Variants in ZNF668 observed in about 807,000 individuals in gnomAD.
ZNF668 encodes zinc finger protein 668.
Under a neutral mutation model 40.3 loss-of-function variants are expected in ZNF668, and 10 were observed. That is an observed-to-expected ratio of 0.25 (90% confidence interval 0.15 to 0.42). The LOEUF is 0.42. Ranked by LOEUF, ZNF668 falls within the 10% of genes least tolerant of loss-of-function variation. ZNF668 has a pLI of 1.00. For synonymous variants in ZNF668, 428 were observed against 384.6 expected, an observed-to-expected ratio of 1.11 and a Z score of -1.32; for missense variants, 749 against 904.6, an observed-to-expected ratio of 0.83 and a Z score of 2.21.
At chr16:31,071,581 G>T (rs1319713308) in intron 1 of ZNF668, among the ~76,000 whole-genome samples, 8 of 152,120 alleles carry the variant, frequency 5.3e-5, no homozygotes, top group Admixed American at 5.2e-4. Context: ...GAGTAGCTAG[G>T]ACTATAGGCA....
In ZNF668 at chr16:31,068,363, C is replaced by T. The variant is rs557045923; in HGVS notation, c.-22-3882G>A. 1.6e-3 allele frequency among the ~76,000 whole-genome samples: 234 copies of T among 148,276 alleles called. 1 individual carries two copies. Among genetic ancestry groups the T allele is most frequent in the African/African-American group, 5.5e-3 (222 of 40,338 alleles). ...TCCGCCTCCTGAGTAGCTGGGACTA[C>T]AGGCACCTGCCACCACACCTGGCTA... On this transcript the variant is annotated intron_variant, in intron 1 of 2. Transcript: ENST00000300849.
chr16:31,062,441 G>A (rs1371207496), intron 2 of ZNF668, 161 bp from the exon 3 acceptor site: 39 of 1,044,962 alleles, frequency 3.7e-5, no homozygotes, highest in South Asian at 1.4e-4. Context: ...AAGCCTTCAG[G>A]CTGGCTGGGT....
chr16:31,063,293 C>T (rs924788180), intron 2 of ZNF668, among the ~76,000 whole-genome samples: 1 of 151,962 alleles, frequency 6.6e-6, no homozygotes, highest in African/African-American at 2.4e-5. Context: ...TCCCCACGCT[C>T]GGGTAATTTT....
chr16:31,064,252 T>A lies in ZNF668; in HGVS notation c.208A>T (p.Ser70Cys). The A allele has an allele frequency of 6.2e-7, 1 of 1,613,650 alleles. No homozygotes were observed. The highest frequency in any genetic ancestry group is 1.6e-4 in the Middle Eastern group (1 of 6,062). ...PETEAKAEEA[S>C]GEKVSGSAAK... ...GCGGAGCCTGACACCTTCTCCCCAC[T>A]GGCTTCCTCTGCCTTAGCTTCTGTC... is the stretch of plus-strand genomic sequence containing the variant. Residue 70 changes from serine (S) to cysteine (C), a missense_variant, in exon 2 of 3, where the codon AGT becomes TGT. Transcript: ENST00000300849.
In ZNF668 at chr16:31,061,540, GGCAGCCCTA is replaced by G. The variant is rs2056925051; in HGVS notation, c.1379_1387del (p.Leu460_Leu462del). On this transcript the variant is annotated inframe_deletion, in exon 3 of 3. Transcript: ENST00000300849. The surrounding 1 kb of genome is among the most constrained non-coding windows in gnomAD (Gnocchi z 7.7). ...GGCCATCACACCACCTGACTCCGGG[GGCAGCCCTA>G]GCAGCCCTGCTGGAGGGTCCCCCAG... 6.2e-7 allele frequency: 1 copy of G among 1,610,814 alleles called. No individual in the cohort carries two copies. Among genetic ancestry groups the G allele is most frequent in the South Asian group, 1.1e-5 (1 of 91,078 alleles).
chr16:31,061,109 G>T lies in ZNF668; in HGVS notation c.1819C>A (p.Leu607Met). 1.3e-6 allele frequency: 2 copies of T among 1,503,570 alleles called. No individual in the cohort carries two copies. Among genetic ancestry groups the T allele is most frequent in the Non-Finnish European group, 1.8e-6 (2 of 1,128,564 alleles). The allele number at this position is 1,503,570 out of a possible 1,614,324, so 93.1% of individuals were successfully genotyped here. A position where few individuals can be genotyped will look rare whatever the true frequency, so the allele number is the denominator to read the frequency against. The change falls in exon 3 of 3, where the codon CTG becomes ATG. Residue 607 changes from leucine (L) to methionine (M), a missense_variant. Physicochemically the swap from Leu to Met is conservative, Grantham distance 15 (BLOSUM62 2). This residue lies in a region of ZNF668 where 310 missense variants were observed against 355.1 expected (regional missense o/e 0.87). Coordinates refer to ENST00000300849, the MANE Select transcript of ZNF668 (RefSeq NM_024706.5). The surrounding 1 kb of genome is among the most constrained non-coding windows in gnomAD (Gnocchi z 7.7). ...TCAGGCATTCCTAGCAAAGCCACCAGGGGCTCCAGGGGTGTGGGGGTCCCC... is the reference window on the plus strand; with the variant it reads ...TCAGGCATTCCTAGCAAAGCCACCATGGGCTCCAGGGGTGTGGGGGTCCCC... The part of the protein sequence containing the change: ...PMGTPTPLEP[L>M]VALLGMPEEG...
chr16:31,064,796 T>G, intron 1 of ZNF668: 1 of 1,470,164 alleles, frequency 6.8e-7, no homozygotes, highest in Non-Finnish European at 8.9e-7. Context: ...TCCATCTGTC[T>G]CACCATCTTC....
At chr16:31,062,467 A>C (rs893818304) in intron 2 of ZNF668, 187 bp from the exon 3 acceptor site, 2 of 794,116 alleles carry the variant, frequency 2.5e-6, no homozygotes, top group Non-Finnish European at 3.8e-6. Context: ...TATTCCAAAG[A>C]CCTGTCTCTG....
chr16:31,071,027 A>T (rs1770542736), intron 1 of ZNF668, among the ~76,000 whole-genome samples: 1 of 148,188 alleles, frequency 6.7e-6, no homozygotes, highest in African/African-American at 2.5e-5. Context: ...ACAGCCAGCT[A>T]ATTTTTTGTA....
rs1393272197 is a variant in ZNF668 at position 31,061,039 on chromosome 16, C to T, written c.*29G>A. The T allele has an allele frequency of 2.1e-6, 3 of 1,453,950 alleles. No individual in the cohort carries two copies. Among genetic ancestry groups the T allele is most frequent in the Non-Finnish European group, 1.8e-6 (2 of 1,102,946 alleles). The allele number at this position is 1,453,950 out of a possible 1,614,324, so 90.1% of individuals were successfully genotyped here. A position where few individuals can be genotyped will look rare whatever the true frequency, so the allele number is the denominator to read the frequency against. On this transcript the variant is annotated 3_prime_UTR_variant, in exon 3 of 3. Coordinates refer to ENST00000300849, the MANE Select transcript of ZNF668 (RefSeq NM_024706.5). The surrounding 1 kb of genome is among the most constrained non-coding windows in gnomAD (Gnocchi z 7.7). ...AAGCCCCCGATGGGGGCTGGGCTCC[C>T]GGAGTGTGGTGCTGGGGGGTCATGG...
intron 1 of ZNF668, chr16:31,066,489 C>CA: frequency 1.9e-6 from 1 of 520,502 alleles, no homozygotes; most frequent in Non-Finnish European, 2.5e-6. Flanking sequence ...CCCAGGGGTT[C>CA]GAGGCTGCAG....
intron 1 of ZNF668, among the ~76,000 whole-genome samples, chr16:31,068,220 T>TTA (rs1555498568): frequency 3.2e-4 from 3 of 9,380 alleles, no homozygotes; most frequent in African/African-American, 8.7e-4. Flanking sequence ...ATCCCACCAT[T>TTA]AAAAAAAAAA....
intron 2 of ZNF668, 32 bp from the exon 3 acceptor site, chr16:31,062,312 C>T (rs778486841): frequency 1.3e-6 from 2 of 1,563,534 alleles, no homozygotes; most frequent in South Asian, 2.4e-5. Context: ...GGCATGAAGG[C>T]GACAGACCCA....
At position 31,061,936 on chromosome 16, in the gene ZNF668, G is replaced by A; in HGVS notation, c.992C>T (p.Thr331Ile). ...ADLAMHRRVH[T>I]GDRPFKCLQC... ...CAGGCACTTGAACGGCCGGTCGCCT[G>A]TGTGCACACGCCGGTGCATGGCCAG... The change falls in exon 3 of 3, where the codon ACA becomes ATA. Residue 331 changes from threonine (T) to isoleucine (I), a missense_variant. Thr to Ile is a moderately conservative substitution (Grantham distance 89). Transcript: ENST00000300849. This position sits in a 1 kb window ranked among gnomAD's most constrained non-coding sequence, Gnocchi z 7.7. 6.2e-7 allele frequency: 1 copy of A among 1,613,606 alleles called. No homozygotes were observed. Among genetic ancestry groups the A allele is most frequent in the Non-Finnish European group, 8.5e-7 (1 of 1,179,822 alleles).
chr16:31,065,224 T>A, intron 1 of ZNF668: 5 of 805,386 alleles, frequency 6.2e-6, no homozygotes, highest in Non-Finnish European at 7.5e-6. Context: ...TGATCTAACA[T>A]GGCCTCCTGG....
chr16:31,068,184 C>G (rs8047104), intron 1 of ZNF668, among the ~76,000 whole-genome samples: 21,100 of 128,422 alleles, frequency 0.16, 2,113 homozygotes, highest in Non-Finnish European at 0.23. Flanking sequence ...CACAAAGAGG[C>G]CAGGTAGGCT....
At chr16:31,072,102 A>C (rs1008310808) in intron 1 of ZNF668, among the ~76,000 whole-genome samples, 2 of 152,224 alleles carry the variant, frequency 1.3e-5, no homozygotes, top group South Asian at 2.1e-4. Context: ...GCCAGTGTTC[A>C]AATCCCAAAC....
In ZNF668 at chr16:31,061,284, C is replaced by T; in HGVS notation, c.1644G>A (p.Gln548=). ...CCCGGTCAGAGAAGCTCTTGCCGCA[C>T]TGGGTGCAGGGGAAGGGCCGGAGCT... is the stretch of plus-strand genomic sequence containing the variant. The part of the protein sequence containing the change: ...HPELRPFPCT[Q]CGKSFSDRAG... The change falls in exon 3 of 3, where the codon CAG becomes CAA. Residue 548 remains glutamine (Q), a synonymous_variant. Transcript: ENST00000300849. This position sits in a 1 kb window ranked among gnomAD's most constrained non-coding sequence, Gnocchi z 7.7. The T allele has an allele frequency of 6.4e-7, 1 of 1,560,646 alleles. No homozygotes were observed. The highest frequency in any genetic ancestry group is 8.7e-7 in the Non-Finnish European group (1 of 1,153,170).
rs770188807 is a variant in ZNF668, at chr16:31,062,250, G to A, written c.678C>T (p.Cys226=). The change falls in exon 3 of 3, where the codon TGC becomes TGT. Residue 226 remains cysteine (C), a synonymous_variant. Transcript: ENST00000300849. ...RSHTGERPFL[C]SECGKSFSRS... ...GGGAGAAGCTCTTCCCGCACTCGGAGCAGAGGAAGGGGCGCTCGCCGGTGT... is the reference window on the plus strand; with the variant it reads ...GGGAGAAGCTCTTCCCGCACTCGGAACAGAGGAAGGGGCGCTCGCCGGTGT... 3 of 1,609,114 alleles carry A rather than the reference G, an allele frequency of 1.9e-6. No homozygotes were observed. Among genetic ancestry groups the A allele is most frequent in the South Asian group, 1.1e-5 (1 of 90,682 alleles).
Sources: allele counts gnomAD v4.1 joint callset (sites outside exome capture counted in the v4.1 genomes callset), GRCh38; gene constraint gnomAD v4.1.1; regional missense constraint gnomAD v4.1.1; non-coding constraint Gnocchi (gnomAD v3.1); transcripts MANE v1.5; gene names NCBI Gene and HGNC (gene_info 2026-07-23, HGNC 2026-07-21).